The following DDC variants were observed in gnomAD, a reference collection of about 807,000 sequenced individuals.
DDC encodes aromatic-L-amino-acid decarboxylase.
DDC carries 43 observed loss-of-function variants against 60.0 expected under a neutral mutation model. The ratio of observed to expected loss-of-function variants is 0.72; its 90% confidence interval spans 0.56 to 0.92. DDC has a LOEUF of 0.92. DDC is among the 40% of genes least tolerant of loss of function. The pLI, the probability that DDC is intolerant of heterozygous loss-of-function variation, is 0.00. For synonymous variants in DDC, 232 were observed against 234.6 expected, an observed-to-expected ratio of 0.99 and a Z score of 0.10; for missense variants, 573 against 620.2, an observed-to-expected ratio of 0.92 and a Z score of 0.81.
At chr7:50,531,044 G>A (rs1231467114) in intron 4 of DDC, among the ~76,000 whole-genome samples, 1 of 152,068 alleles carries the variant, frequency 6.6e-6, no homozygotes, top group East Asian at 1.9e-4. Context: ...CTAATGGATG[G>A]GTTCAAATAT....
chr7:50,500,849 C>T (rs1261747008), intron 7 of DDC, among the ~76,000 whole-genome samples: 1 of 152,224 alleles, frequency 6.6e-6, no homozygotes, highest in African/African-American at 2.4e-5. Context: ...TCTAAGCTTG[C>T]AGTTGGCCTA....
intron 6 of DDC, among the ~76,000 whole-genome samples, chr7:50,506,831 C>T (rs575989529): frequency 2.0e-5 from 3 of 152,376 alleles, no homozygotes; most frequent in African/African-American, 7.2e-5. Context: ...CAATGTTTCT[C>T]CTGGTGCTGT....
At chr7:50,532,311 A>C (rs567472344) in intron 4 of DDC, among the ~76,000 whole-genome samples, 15 of 152,384 alleles carry the variant, frequency 9.8e-5, no homozygotes, top group Middle Eastern at 3.4e-3. Flanking sequence ...AGATTGTGTT[A>C]AAGCGGGGGC....
rs1361576795 is a variant in DDC, at chr7:50,563,167, A to C, written c.-29+2118T>G. ...GGGTGGCAGGGTGAGACTCCATCTCAAAAAAAAAAAAAAAAAAGTCCAGAC... is the reference window on the plus strand; with the variant it reads ...GGGTGGCAGGGTGAGACTCCATCTCCAAAAAAAAAAAAAAAAAGTCCAGAC... On this transcript the variant is annotated intron_variant, in intron 1 of 14. Transcript: ENST00000444124. Among the ~76,000 whole-genome samples the C allele has an allele frequency of 1.7e-3, 3 of 1,742 alleles. No individual in the cohort carries two copies. The African/African-American group carries it at 0.023, about 14-fold the overall frequency. The allele number at this position is 1,742 out of a possible 152,430, so 1.1% of individuals were successfully genotyped here.
intron 6 of DDC, among the ~76,000 whole-genome samples, chr7:50,526,111 G>A (rs2044030901): frequency 1.3e-5 from 2 of 152,088 alleles, no homozygotes. Context: ...TCCAAGAAGA[G>A]TAAATAAAAA....
chr7:50,497,520 A>G (rs2043152044), intron 8 of DDC, among the ~76,000 whole-genome samples: 1 of 152,198 alleles, frequency 6.6e-6, no homozygotes, highest in Admixed American at 6.5e-5. Context: ...TCCTCCCTTG[A>G]AACTGTCCCA....
At chr7:50,563,730 T>G (rs28415418) in intron 1 of DDC, among the ~76,000 whole-genome samples, 40,355 of 152,020 alleles carry the variant, frequency 0.27, 5,571 homozygotes, top group East Asian at 0.51. Context: ...GCCTCGTAAG[T>G]AGCTGGGACT....
chr7:50,536,502 T>A (rs2044416657), intron 4 of DDC, among the ~76,000 whole-genome samples: 1 of 152,188 alleles, frequency 6.6e-6, no homozygotes, highest in Non-Finnish European at 1.5e-5. Flanking sequence ...GGGACACAGC[T>A]GGCTTTGAAA....
At chr7:50,538,805 TG>T (rs2044506181) in intron 3 of DDC, among the ~76,000 whole-genome samples, 1 of 152,220 alleles carries the variant, frequency 6.6e-6, no homozygotes, top group African/African-American at 2.4e-5. Flanking sequence ...CAGAGCTAAA[TG>T]AAATCTGCTG....
chr7:50,538,116 G>T, intron 3 of DDC, 137 bp from the exon 4 acceptor site: 1 of 1,092,840 alleles, frequency 9.2e-7, no homozygotes, highest in Non-Finnish European at 1.3e-6. Context: ...TCAAAGGCCT[G>T]AAGGCTGTTT....
intron 9 of DDC, 184 bp from the exon 10 acceptor site, chr7:50,480,047 A>C: frequency 1.6e-6 from 1 of 618,338 alleles, no homozygotes; most frequent in Non-Finnish European, 2.9e-6. Flanking sequence ...TAAAAAATAA[A>C]TATTTGGTCT....
At chr7:50,551,086 TC>T (rs2044977562) in intron 1 of DDC, among the ~76,000 whole-genome samples, 1 of 152,212 alleles carries the variant, frequency 6.6e-6, no homozygotes, top group African/African-American at 2.4e-5. Context: ...AACAAATTCT[TC>T]TAGAGATAAA....
intron 9 of DDC, among the ~76,000 whole-genome samples, chr7:50,485,845 G>A (rs940567620): frequency 1.3e-5 from 2 of 152,120 alleles, no homozygotes; most frequent in Non-Finnish European, 2.9e-5. Context: ...GGCACCATTC[G>A]CAAACAGGCA....
At chr7:50,477,591 C>A in intron 10 of DDC, 1 of 455,140 alleles carries the variant, frequency 2.2e-6, no homozygotes, top group Non-Finnish European at 4.4e-6. Context: ...ATTGTATTTA[C>A]AAGAACATCT....
chr7:50,560,391 G>C (rs2045315371), intron 1 of DDC, among the ~76,000 whole-genome samples: 1 of 152,164 alleles, frequency 6.6e-6, no homozygotes, highest in African/African-American at 2.4e-5. Context: ...AGCATTTTCA[G>C]TGACCTCACA....
At chr7:50,523,492 T>A (rs2043954339) in intron 6 of DDC, among the ~76,000 whole-genome samples, 1 of 152,074 alleles carries the variant, frequency 6.6e-6, no homozygotes, top group Admixed American at 6.5e-5. Context: ...AACAATCCAA[T>A]TAAAAAGTGG....
At chr7:50,507,188 A>G (rs2043421814) in intron 6 of DDC, among the ~76,000 whole-genome samples, 1 of 152,164 alleles carries the variant, frequency 6.6e-6, no homozygotes, top group African/African-American at 2.4e-5. Flanking sequence ...TAGTTTAGCA[A>G]TTCCTTCTGT....
At chr7:50,562,743 G>A (rs532023288) in intron 1 of DDC, among the ~76,000 whole-genome samples, 3 of 152,324 alleles carry the variant, frequency 2.0e-5, no homozygotes, top group East Asian at 1.9e-4. Flanking sequence ...CCCTGCACAC[G>A]GCTTGGGCTA....
intron 6 of DDC, among the ~76,000 whole-genome samples, chr7:50,507,492 A>G (rs1224263373): frequency 6.6e-6 from 1 of 152,190 alleles, no homozygotes; most frequent in Non-Finnish European, 1.5e-5. Context: ...TCGGTCTCCC[A>G]AAGTGTTGGG....
Sources: allele counts gnomAD v4.1 joint callset (sites outside exome capture counted in the v4.1 genomes callset), GRCh38; gene constraint gnomAD v4.1.1; transcripts MANE v1.5; gene names NCBI Gene and HGNC (gene_info 2026-07-23, HGNC 2026-07-21).